CSMD1: variants seen among roughly 807,000 people sequenced by gnomAD.
CSMD1 encodes the protein CUB and sushi domain-containing protein 1.
In CSMD1, 213 loss-of-function variants were observed where a neutral mutation model predicts 417.5. That is an observed-to-expected ratio of 0.51 (90% CI 0.46 to 0.57). The LOEUF is 0.57. CSMD1 is among the 20% of genes least tolerant of loss of function. The probability of loss-of-function intolerance (pLI) is 0.00; values close to 1 mark genes in which losing one functional copy is unlikely to be tolerated. For missense variants in CSMD1, 6,923 were observed against 4,529.7 expected (o/e 1.53, Z -15.17); for synonymous variants, 2,862 against 1,736.8 (o/e 1.65, Z -16.11).
At chr8:3,608,335 T>A (rs117191358) in intron 8 of CSMD1, among the ~76,000 whole-genome samples, 1 of 151,892 alleles carries the variant, frequency 6.6e-6, no homozygotes, top group Non-Finnish European at 1.5e-5. Flanking sequence ...GGGGGCCACA[T>A]TGTGGAAGAA....
chr8:4,745,359 A>C (rs939092815), intron 1 of CSMD1, among the ~76,000 whole-genome samples: 6 of 152,182 alleles, frequency 3.9e-5, no homozygotes, highest in Non-Finnish European at 8.8e-5. Flanking sequence ...TTTAGTTACA[A>C]ATGATTTAGT....
chr8:3,318,493 A>G (rs1805930122), intron 23 of CSMD1, among the ~76,000 whole-genome samples: 3 of 152,030 alleles, frequency 2.0e-5, no homozygotes, highest in Admixed American at 1.3e-4. Context: ...GTGTAGATAA[A>G]AGATAACATA....
chr8:4,314,374 G>C lies in CSMD1; in HGVS notation c.415+105579C>G, dbSNP rs189355034. 4.7e-4 allele frequency among the ~76,000 whole-genome samples: 72 copies of C among 152,292 alleles called. 2 individuals carry two copies. The East Asian group carries it at 0.011, about 22-fold the overall frequency. The stretch of plus-strand genomic sequence containing the variant: ...CATAGAACATTTCCTACATATTTCT[G>C]TCAGGGCCAGAGTTCACAGGCAAAC... On this transcript the variant is annotated intron_variant, in intron 3 of 69. Coordinates refer to ENST00000635120, the MANE Select transcript of CSMD1 (RefSeq NM_033225.6).
At chr8:4,662,750 G>T (rs1020771262) in intron 1 of CSMD1, among the ~76,000 whole-genome samples, 1 of 152,174 alleles carries the variant, frequency 6.6e-6, no homozygotes, top group African/African-American at 2.4e-5. Flanking sequence ...CTGCTCCACC[G>T]TTCCTATGGA....
chr8:3,869,936 G>C (rs765318206), intron 5 of CSMD1, among the ~76,000 whole-genome samples: 1 of 151,784 alleles, frequency 6.6e-6, no homozygotes, highest in Non-Finnish European at 1.5e-5. Context: ...AAGCAAAAGA[G>C]AGTGAGCTAG....
intron 1 of CSMD1, among the ~76,000 whole-genome samples, chr8:4,921,944 G>C (rs1340726009): frequency 6.6e-6 from 1 of 152,150 alleles, no homozygotes; most frequent in Non-Finnish European, 1.5e-5. Flanking sequence ...CCTCACATCT[G>C]TTTGGAATAC....
At chr8:4,179,258 CT>C in intron 3 of CSMD1, among the ~76,000 whole-genome samples, 1 of 152,192 alleles carries the variant, frequency 6.6e-6, no homozygotes, top group East Asian at 1.9e-4. Flanking sequence ...GAACAGAGCC[CT>C]CAGAAATAAT....
chr8:4,237,151 C>G (rs2128818838), intron 3 of CSMD1, among the ~76,000 whole-genome samples: 1 of 152,300 alleles, frequency 6.6e-6, no homozygotes, highest in Admixed American at 6.5e-5. Flanking sequence ...GAAATTCTTA[C>G]TGATTGAAAC....
intron 1 of CSMD1, among the ~76,000 whole-genome samples, chr8:4,845,918 G>C (rs1323666668): frequency 6.6e-6 from 1 of 152,180 alleles, no homozygotes; most frequent in Non-Finnish European, 1.5e-5. Context: ...GGTTACGCTA[G>C]CCTATGAACT....
chr8:2,977,165 G>C (rs1804998705), intron 55 of CSMD1, among the ~76,000 whole-genome samples: 1 of 152,074 alleles, frequency 6.6e-6, no homozygotes, highest in Admixed American at 6.6e-5. Flanking sequence ...TTGTTACGCA[G>C]GGAAATGTGT....
chr8:3,971,162 C>T (rs1327471529), intron 5 of CSMD1, among the ~76,000 whole-genome samples: 2 of 151,910 alleles, frequency 1.3e-5, no homozygotes, highest in Admixed American at 1.3e-4. Context: ...ACGCTGCCTC[C>T]TGGCATGATG....
intron 9 of CSMD1, among the ~76,000 whole-genome samples, chr8:3,584,593 G>T (rs528766752): frequency 6.6e-6 from 1 of 152,076 alleles, no homozygotes; most frequent in Admixed American, 6.6e-5. Flanking sequence ...TTTAAGATGA[G>T]AGTCAGGGCC....
intron 11 of CSMD1, among the ~76,000 whole-genome samples, chr8:3,471,801 G>A (rs1817121390): frequency 6.6e-6 from 1 of 152,034 alleles, no homozygotes; most frequent in Non-Finnish European, 1.5e-5. Context: ...CATGGTTTTG[G>A]GTAGAAGAAG....
intron 1 of CSMD1, among the ~76,000 whole-genome samples, chr8:4,695,121 G>A (rs1365784831): frequency 1.3e-5 from 2 of 151,744 alleles, no homozygotes; most frequent in Non-Finnish European, 2.9e-5. Flanking sequence ...TCTGAACTTC[G>A]ACCACCGTGA....
chr8:3,408,738 G>A (rs1055571373), intron 13 of CSMD1, among the ~76,000 whole-genome samples: 1 of 151,800 alleles, frequency 6.6e-6, no homozygotes, highest in Non-Finnish European at 1.5e-5. Context: ...TGTTCTAGTT[G>A]GATAATATAA....
intron 1 of CSMD1, among the ~76,000 whole-genome samples, chr8:4,888,092 T>TTG (rs1803871518): frequency 6.6e-6 from 1 of 152,026 alleles, no homozygotes; most frequent in Admixed American, 6.6e-5. Flanking sequence ...TAAAAATACA[T>TTG]ATGTACACTC....
chr8:3,738,414 C>T (rs1252102703), intron 6 of CSMD1, among the ~76,000 whole-genome samples: 1 of 152,182 alleles, frequency 6.6e-6, no homozygotes, highest in Non-Finnish European at 1.5e-5. Context: ...TGGTGGTTGT[C>T]ACACCTTTTA....
At chr8:4,479,617 T>G (rs560242974) in intron 2 of CSMD1, among the ~76,000 whole-genome samples, 1 of 152,092 alleles carries the variant, frequency 6.6e-6, no homozygotes, top group South Asian at 2.1e-4. Context: ...ACTTTCCAGC[T>G]GGGTGCAGTG....
Position 3,929,079 on chromosome 8 carries a change from A to C in CSMD1, c.818+68824T>G, listed in dbSNP as rs144234448. ...TAATTGCAGAAAATTAAAAGCACAG[A>C]GAATAAAGAAAGACTTGGAGTGAGG... On this transcript the variant is annotated intron_variant, in intron 5 of 69. Coordinates refer to ENST00000635120, the MANE Select transcript of CSMD1 (RefSeq NM_033225.6). Among the ~76,000 whole-genome samples the C allele has an allele frequency of 3.4e-3, 517 of 150,582 alleles. 33 individuals are homozygous for C. Among genetic ancestry groups the C allele is most frequent in the African/African-American group, 0.012 (484 of 40,842 alleles).
Sources: allele counts gnomAD v4.1 joint callset (sites outside exome capture counted in the v4.1 genomes callset), GRCh38; gene constraint gnomAD v4.1.1; transcripts MANE v1.5; gene names NCBI Gene and HGNC (gene_info 2026-07-23, HGNC 2026-07-21).